ACOX3: variants seen among roughly 807,000 people sequenced by gnomAD.
ACOX3 encodes peroxisomal acyl-coenzyme A oxidase 3.
A neutral mutation model predicts 81.5 loss-of-function variants in ACOX3; 73 were observed. That is an observed-to-expected ratio of 0.90 (90% CI 0.74 to 1.09). The LOEUF (loss-of-function observed/expected upper bound fraction) is 1.09. Ranked by LOEUF, ACOX3 falls within the 50% of genes least tolerant of loss-of-function variation. The pLI is 0.00. For synonymous variants in ACOX3, 387 were observed against 375.1 expected (o/e 1.03, Z -0.37); for missense variants, 947 against 928.0 (o/e 1.02, Z -0.27).
intron 14 of ACOX3, among the ~76,000 whole-genome samples, chr4:8,379,499 CCCTCCTGGCCTCTG>C (rs1717378241): frequency 6.6e-6 from 1 of 152,218 alleles, no homozygotes; most frequent in African/African-American, 2.4e-5. Flanking sequence ...AACCCAGGAC[CCCTCCTGGCCTCTG>C]CCGCAGCCCT....
intron 1 of ACOX3, among the ~76,000 whole-genome samples, chr4:8,425,540 A>G (rs1050355472): frequency 6.6e-6 from 1 of 151,394 alleles, no homozygotes; most frequent in Admixed American, 6.6e-5. Context: ...AAAACTATCA[A>G]GCAGATAGTC....
At chr4:8,374,282 T>C (rs1716643890) in intron 15 of ACOX3, 1 of 153,314 alleles carries the variant, frequency 6.5e-6, no homozygotes, top group African/African-American at 2.4e-5. Context: ...TCCTGCCCTG[T>C]GCCCGCCCTC....
downstream of ACOX3, among the ~76,000 whole-genome samples, chr4:8,364,963 G>C (rs983431599): frequency 1.3e-5 from 2 of 152,088 alleles, no homozygotes; most frequent in East Asian, 3.9e-4. This position sits in a 1 kb window ranked among gnomAD's most constrained non-coding sequence, Gnocchi z 5.0. Context: ...ATCTAGCTGC[G>C]GGCACATCAG....
intron 7 of ACOX3, among the ~76,000 whole-genome samples, chr4:8,404,091 G>T (rs1327546465): frequency 2.6e-5 from 4 of 152,214 alleles, no homozygotes; most frequent in Non-Finnish European, 4.4e-5. Flanking sequence ...CAGCGCTTCA[G>T]AGCTTCTCAC....
intron 7 of ACOX3, among the ~76,000 whole-genome samples, chr4:8,401,919 T>C (rs1720413547): frequency 6.6e-6 from 1 of 152,166 alleles, no homozygotes; most frequent in Non-Finnish European, 1.5e-5. Flanking sequence ...GACCCCAGGG[T>C]GGGATCCCTC....
At chr4:8,428,392 T>TA (rs1723715871) in intron 1 of ACOX3, 1 of 152,796 alleles carries the variant, frequency 6.5e-6, no homozygotes, top group African/African-American at 2.4e-5. Context: ...CGCGACCGAC[T>TA]CGGAGTACTG....
the ACOX3 span, chr4:8,356,977 T>C: frequency 4.4e-6 from 2 of 453,580 alleles, no homozygotes; most frequent in Non-Finnish European, 8.8e-6. Context: ...CATGCTAAGA[T>C]GACCCTGGCA....
Position 8,407,736 on chromosome 4 carries a change from A to G in ACOX3, c.688-1693T>C, listed in dbSNP as rs931841691. The stretch of plus-strand genomic sequence containing the variant: ...GAAACGGCTATGAATATTCTGGTCA[A>G]TCACCGCTCCCCAAGATACAGGTCC... On this transcript the variant is annotated intron_variant, in intron 6 of 17. Transcript: ENST00000356406. The surrounding 1 kb of genome is among the most constrained non-coding windows in gnomAD (Gnocchi z 4.6). Among the ~76,000 whole-genome samples, 19 of 152,372 alleles carry G rather than the reference A, an allele frequency of 1.2e-4. No homozygotes were observed. The highest frequency in any genetic ancestry group is 9.1e-4 in the Admixed American group (14 of 15,302).
rs149218868 is a variant in ACOX3, at chr4:8,394,736, G to T, written c.1063C>A (p.Arg355Ser). Residue 355 changes from arginine (R) to serine (S), a missense_variant, in exon 10 of 18, where the codon CGC (arginine) becomes AGC (serine). Coordinates refer to ENST00000356406, the MANE Select transcript of ACOX3 (RefSeq NM_003501.3). This position sits in a 1 kb window ranked among gnomAD's most constrained non-coding sequence, Gnocchi z 5.9. Reference sequence around the variant, plus strand: ...ACAGCTGCCAGATATGGAAGCAAGCGCCATTGCTAGAACAGACAAGACACC... The same window carrying T: ...ACAGCTGCCAGATATGGAAGCAAGCTCCATTGCTAGAACAGACAAGACACC... ...PVLEYPMQQWRLLPYLAAVYA... is the reference protein window; with the variant it reads ...PVLEYPMQQWSLLPYLAAVYA... 6.2e-7 allele frequency: 1 copy of T among 1,612,980 alleles called. No individual in the cohort carries two copies. Among genetic ancestry groups the T allele is most frequent in the African/African-American group, 1.3e-5 (1 of 75,020 alleles).
Position 8,394,704 on chromosome 4 carries a change from G to A in ACOX3, c.1095C>T (p.Ala365=), listed in dbSNP as rs1719472622. Residue 365 remains alanine, a synonymous_variant, in exon 10 of 18, where the codon GCC becomes GCT. Transcript: ENST00000356406. This position sits in a 1 kb window ranked among gnomAD's most constrained non-coding sequence, Gnocchi z 5.9. ...AGAGCGACTTGGAGAAATGGTCTAA[G>A]GCGTAGACAGCTGCCAGATATGGAA... ...RLLPYLAAVY[A]LDHFSKSLFL... is the part of the protein sequence containing the mutation. 6.2e-7 allele frequency: 1 copy of A among 1,613,816 alleles called. No homozygotes were observed. Among genetic ancestry groups the A allele is most frequent in the East Asian group, 2.2e-5 (1 of 44,880 alleles).
chr4:8,361,425 C>CAAAAAAAAAAAAAAAAAAAA (rs56251372), downstream of ACOX3, among the ~76,000 whole-genome samples: 1 of 39,028 alleles, frequency 2.6e-5, no homozygotes, highest in African/African-American at 1.2e-4. Context: ...GACTCTATCT[C>CAAAAAAAAAAAAAAAAAAAA]AAAAAAAAAA....
chr4:8,365,967 G>C (rs534180817), downstream of ACOX3, among the ~76,000 whole-genome samples: 1 of 152,150 alleles, frequency 6.6e-6, no homozygotes. Flanking sequence ...GTGGTGATAC[G>C]AGTGTGGCCA....
chr4:8,390,616 A>C (rs1052390348), intron 11 of ACOX3, among the ~76,000 whole-genome samples: 6 of 152,186 alleles, frequency 3.9e-5, no homozygotes, highest in Admixed American at 3.9e-4. Context: ...GCCTTCACAT[A>C]TGTTGTCAGG....
intron 1 of ACOX3, among the ~76,000 whole-genome samples, chr4:8,435,191 AT>A (rs1464756241): frequency 1.3e-5 from 2 of 152,244 alleles, no homozygotes; most frequent in Non-Finnish European, 1.5e-5. Flanking sequence ...CTCTATGTGA[AT>A]TAGAATTGCC....
In ACOX3 at chr4:8,382,460, C is replaced by A. The variant is rs1294395420; in HGVS notation, c.1538-853G>T. On this transcript the variant is annotated intron_variant, in intron 13 of 17. Transcript: ENST00000356406. The surrounding 1 kb of genome is among the most constrained non-coding windows in gnomAD (Gnocchi z 4.1). The stretch of plus-strand genomic sequence containing the variant: ...ATGGCGAGCATGTGAGGGAGGGGTG[C>A]AGACCACCCACATGTGGAGGCCACG... Among the ~76,000 whole-genome samples, 1 of 152,218 alleles carries A rather than the reference C, an allele frequency of 6.6e-6. No individual in the cohort carries two copies.
the ACOX3 span, chr4:8,355,960 A>C: frequency 0.023 from 3,753 of 163,326 alleles, 69 homozygotes; most frequent in Non-Finnish European, 0.038. Context: ...GGGCAATAAG[A>C]AGGAAATCTA....
chr4:8,411,143 C>T (rs915021907), intron 5 of ACOX3, among the ~76,000 whole-genome samples: 1 of 152,188 alleles, frequency 6.6e-6, no homozygotes, highest in African/African-American at 2.4e-5. Context: ...TGGCCGGGAT[C>T]CGCAAGGGGA....
Position 8,416,825 on chromosome 4 carries a change from G to C in ACOX3, c.-14-290C>G, listed in dbSNP as rs555959261. 2.4e-4 allele frequency among the ~76,000 whole-genome samples: 36 copies of C among 152,344 alleles called. No homozygotes were observed. Among genetic ancestry groups the C allele is most frequent in the African/African-American group, 8.4e-4 (35 of 41,576 alleles). On this transcript the variant is annotated intron_variant, in intron 1 of 17. Transcript: ENST00000356406. This position sits in a 1 kb window ranked among gnomAD's most constrained non-coding sequence, Gnocchi z 4.2. Reference sequence around the variant, plus strand: ...AGGGCAGAGGGTTTGTCAGAGTCTTGTTTTCTGTCACACAGCCTTGCCTGA... The same window carrying C: ...AGGGCAGAGGGTTTGTCAGAGTCTTCTTTTCTGTCACACAGCCTTGCCTGA...
chr4:8,428,053 T>A (rs929810441), intron 1 of ACOX3, among the ~76,000 whole-genome samples: 2 of 152,262 alleles, frequency 1.3e-5, no homozygotes, highest in Admixed American at 6.5e-5. Flanking sequence ...AGATCACTAT[T>A]CTGGCAACAG....
Sources: gnomAD v4.1 joint callset for allele counts (sites outside exome capture counted in the v4.1 genomes callset) on GRCh38, gnomAD v4.1.1 for gene constraint, Gnocchi (gnomAD v3.1) non-coding constraint, MANE v1.5 for transcripts, NCBI Gene and HGNC (gene_info 2026-07-23, HGNC 2026-07-21) for gene names.